Variants in CAMTA1 observed in about 807,000 individuals in gnomAD.
CAMTA1 encodes calmodulin binding transcription activator 1, also known as calmodulin-binding transcription activator 1.
In CAMTA1, 27 loss-of-function variants were observed where a neutral mutation model predicts 170.9. The observed-to-expected ratio is 0.16, with a 90% CI of 0.12 to 0.22. CAMTA1 has a LOEUF of 0.22. Ranked by LOEUF, CAMTA1 falls within the 10% of genes least tolerant of loss-of-function variation. The pLI is 1.00. For missense variants in CAMTA1, 1,619 were observed against 2,217.2 expected (o/e 0.73, Z 5.42); for synonymous variants, 833 against 891.5 (o/e 0.93, Z 1.17).
At chr1:7,692,005 G>A (rs1377827968) in intron 11 of CAMTA1, among the ~76,000 whole-genome samples, 1 of 151,310 alleles carries the variant, frequency 6.6e-6, no homozygotes, top group South Asian at 2.1e-4. Flanking sequence ...GGGAAGGAGG[G>A]AGGTACAGAT....
In CAMTA1 at chr1:6,961,763, C is replaced by T. The variant is rs186455781; in HGVS notation, c.235-129541C>T. Among the ~76,000 whole-genome samples the T allele has an allele frequency of 2.0e-5, 3 of 152,340 alleles. 1 individual carries two copies. Among genetic ancestry groups the T allele is most frequent in the African/African-American group, 7.2e-5 (3 of 41,578 alleles). ...CATGAATACCGCAGGACCAGCCCAG[C>T]TTGAATGTTTGAAAACTGGGTGCAA... On this transcript the variant is annotated intron_variant, in intron 3 of 22. Transcript: ENST00000303635.
intron 3 of CAMTA1, among the ~76,000 whole-genome samples, chr1:7,068,806 T>C (rs1709303277): frequency 6.6e-6 from 1 of 152,142 alleles, no homozygotes; most frequent in Non-Finnish European, 1.5e-5. Flanking sequence ...CTTAGCATGC[T>C]GGGCGTGAAA....
rs561855170 is a variant in CAMTA1, at chr1:7,300,036, A to G, written c.438+50410A>G. Among the ~76,000 whole-genome samples, 62 of 152,336 alleles carry G rather than the reference A, an allele frequency of 4.1e-4. No individual in the cohort carries two copies. Among genetic ancestry groups the G allele is most frequent in the African/African-American group, 1.4e-3 (60 of 41,584 alleles). ...GTACCTTAAGTAATTATCATTTAGA[A>G]TAAAGTCAGAAAATTGCTTGCTGTC... On this transcript the variant is annotated intron_variant, in intron 5 of 22. Coordinates refer to ENST00000303635, the MANE Select transcript of CAMTA1 (RefSeq NM_015215.4). The surrounding 1 kb of genome is among the most constrained non-coding windows in gnomAD (Gnocchi z 4.1).
intron 5 of CAMTA1, among the ~76,000 whole-genome samples, chr1:7,319,655 A>G (rs376616188): frequency 4.3e-4 from 66 of 152,318 alleles, no homozygotes; most frequent in Non-Finnish European, 8.4e-4. Context: ...GGGCATCAGG[A>G]TATAATCATT....
chr1:7,636,183 G>C (rs993974574), intron 6 of CAMTA1, among the ~76,000 whole-genome samples: 1 of 152,234 alleles, frequency 6.6e-6, no homozygotes, highest in African/African-American at 2.4e-5. Flanking sequence ...CAGGTGCCCT[G>C]AGTTGAAAGG....
intron 6 of CAMTA1, among the ~76,000 whole-genome samples, chr1:7,559,237 A>G (rs1051581953): frequency 2.0e-5 from 3 of 152,112 alleles, no homozygotes; most frequent in African/African-American, 7.2e-5. Context: ...CACCCCAGAC[A>G]TGGGCCTTGT....
intron 3 of CAMTA1, among the ~76,000 whole-genome samples, chr1:6,828,494 G>T (rs1464718368): frequency 6.6e-6 from 1 of 151,944 alleles, no homozygotes; most frequent in Non-Finnish European, 1.5e-5. Flanking sequence ...GTTTTACCAT[G>T]TTGGCCAGGA....
At chr1:7,111,210 T>G (rs1028887012) in intron 4 of CAMTA1, among the ~76,000 whole-genome samples, 21 of 152,190 alleles carry the variant, frequency 1.4e-4, no homozygotes, top group Admixed American at 8.5e-4. Context: ...TGAAATCATC[T>G]CCCCATCTCA....
intron 6 of CAMTA1, among the ~76,000 whole-genome samples, chr1:7,586,040 A>G (rs1401478486): frequency 6.6e-6 from 1 of 152,092 alleles, no homozygotes; most frequent in Non-Finnish European, 1.5e-5. Context: ...TAGCCAGGGC[A>G]GTTCCCAAAC....
intron 5 of CAMTA1, among the ~76,000 whole-genome samples, chr1:7,354,544 T>C (rs1274352658): frequency 1.3e-5 from 2 of 152,246 alleles, no homozygotes; most frequent in African/African-American, 4.8e-5. Context: ...ACATGTGTCT[T>C]TGCGGTAGAA....
At chr1:7,666,336 G>T (rs934610879) in intron 9 of CAMTA1, among the ~76,000 whole-genome samples, 1 of 152,088 alleles carries the variant, frequency 6.6e-6, no homozygotes. Flanking sequence ...AGTAAACCTG[G>T]CCTTCTGCAA....
intron 5 of CAMTA1, among the ~76,000 whole-genome samples, chr1:7,276,495 G>C (rs182885979): frequency 1.1e-3 from 171 of 151,036 alleles, no homozygotes; most frequent in African/African-American, 4.1e-3. Context: ...ATTTTTAGTA[G>C]AGGAAGGATT....
chr1:7,155,421 C>T (rs1370459057), intron 4 of CAMTA1, among the ~76,000 whole-genome samples: 1 of 151,414 alleles, frequency 6.6e-6, no homozygotes, highest in Non-Finnish European at 1.5e-5. Context: ...AGAGTGGCGC[C>T]CACAGAGCAG....
chr1:6,876,361 A>AT (rs201063998), intron 3 of CAMTA1, among the ~76,000 whole-genome samples: 27 of 150,646 alleles, frequency 1.8e-4, no homozygotes, highest in Middle Eastern at 3.4e-3. Context: ...TTTTTAATTA[A>AT]TTAATTTTTT....
intron 3 of CAMTA1, among the ~76,000 whole-genome samples, chr1:6,878,152 C>G (rs72854276): frequency 0.012 from 1,875 of 152,314 alleles, 33 homozygotes; most frequent in African/African-American, 0.043. Flanking sequence ...TGCAAACATG[C>G]AAAGCTGAGA....
At chr1:6,886,468 T>C in intron 3 of CAMTA1, 1 of 364,140 alleles carries the variant, frequency 2.7e-6, no homozygotes, top group South Asian at 2.1e-5. Context: ...GCTTTCCTTG[T>C]AAGAAGCCCA....
chr1:7,583,556 G>C lies in CAMTA1; in HGVS notation c.511-56844G>C, dbSNP rs1200084117. Among the ~76,000 whole-genome samples, 4 of 152,256 alleles carry C rather than the reference G, an allele frequency of 2.6e-5. No homozygotes were observed. The East Asian group carries it at 5.8e-4, about 22-fold the overall frequency. On this transcript the variant is annotated intron_variant, in intron 6 of 22. Transcript: ENST00000303635. ...GCTGGCCCTGCATGGAACGAGGTGT[G>C]GGGTAGGACCCAGCAGTCTTCCCCT... is the stretch of plus-strand genomic sequence containing the variant.
At chr1:7,347,633 A>C (rs1458816939) in intron 5 of CAMTA1, among the ~76,000 whole-genome samples, 1 of 152,184 alleles carries the variant, frequency 6.6e-6, no homozygotes, top group African/African-American at 2.4e-5. Flanking sequence ...GTCTGAAATG[A>C]AGATGTGGGC....
chr1:7,609,792 C>T lies in CAMTA1; in HGVS notation c.511-30608C>T, dbSNP rs147881746. ...CAAAGCCAGGTGGGAACTGCCCTCC[C>T]GCAGGGCACCTGTGAACACGTGTGA... On this transcript the variant is annotated intron_variant, in intron 6 of 22. Coordinates refer to ENST00000303635, the MANE Select transcript of CAMTA1 (RefSeq NM_015215.4). This position sits in a 1 kb window ranked among gnomAD's most constrained non-coding sequence, Gnocchi z 4.4. Among the ~76,000 whole-genome samples, 170 of 152,338 alleles carry T rather than the reference C, an allele frequency of 1.1e-3. No homozygotes were observed. Among genetic ancestry groups the T allele is most frequent in the African/African-American group, 3.8e-3 (158 of 41,582 alleles).
Sources: allele counts gnomAD v4.1 joint callset (sites outside exome capture counted in the v4.1 genomes callset), GRCh38; gene constraint gnomAD v4.1.1; non-coding constraint Gnocchi (gnomAD v3.1); transcripts MANE v1.5; gene names NCBI Gene and HGNC (gene_info 2026-07-23, HGNC 2026-07-21).